SCFD2: variants seen among roughly 807,000 people sequenced by gnomAD.
SCFD2 encodes the protein sec1 family domain-containing protein 2.
In SCFD2, 54 loss-of-function variants were observed where a neutral mutation model predicts 58.9. The observed-to-expected ratio is 0.92, with a 90% CI of 0.74 to 1.15. SCFD2 has a LOEUF of 1.15. Ranked by LOEUF, SCFD2 falls within the 50% of genes most tolerant of loss-of-function variation. SCFD2 has a pLI of 0.00. For missense variants in SCFD2, 805 were observed against 836.6 expected (o/e 0.96, Z 0.47); for synonymous variants, 321 against 335.9 (o/e 0.96, Z 0.49).
chr4:53,259,959 A>AT (rs3065029), intron 4 of SCFD2, among the ~76,000 whole-genome samples: 37,175 of 142,018 alleles, frequency 0.26, 5,052 homozygotes, highest in South Asian at 0.32. Context: ...ATAACCAGGT[A>AT]TTTTTTTTTT....
At chr4:53,254,737 G>C (rs989384386) in intron 4 of SCFD2, among the ~76,000 whole-genome samples, 1 of 151,738 alleles carries the variant, frequency 6.6e-6, no homozygotes, top group Non-Finnish European at 1.5e-5. Context: ...CACTGGCCAT[G>C]GGGCTACTGA....
intron 4 of SCFD2, among the ~76,000 whole-genome samples, chr4:53,186,725 T>G (rs1341875099): frequency 6.6e-6 from 1 of 151,948 alleles, no homozygotes; most frequent in Non-Finnish European, 1.5e-5. Context: ...AAGGCCTAAA[T>G]AGGACACCAA....
In SCFD2 at chr4:53,119,996, G is replaced by T. The variant is rs1448530684; in HGVS notation, c.1561+25337C>A. ...CCTGTCATAACCAGGAAAGCAAGGG[G>T]CCCCTTCTATGCATACCTGAAGGGT... is the stretch of plus-strand genomic sequence containing the variant. On this transcript the variant is annotated intron_variant, in intron 5 of 8. Coordinates refer to ENST00000401642, the MANE Select transcript of SCFD2 (RefSeq NM_152540.4). Among the ~76,000 whole-genome samples the T allele has an allele frequency of 6.6e-5, 10 of 152,152 alleles. 1 individual carries two copies. The highest frequency in any genetic ancestry group is 2.6e-4 in the Admixed American group (4 of 15,268).
intron 6 of SCFD2, among the ~76,000 whole-genome samples, chr4:52,908,616 T>C (rs551442557): frequency 1.3e-5 from 2 of 152,366 alleles, no homozygotes; most frequent in African/African-American, 4.8e-5. Flanking sequence ...CTGTCAAGGA[T>C]ATTTAGTGTA....
intron 5 of SCFD2, among the ~76,000 whole-genome samples, chr4:53,136,036 T>C (rs1725927068): frequency 6.6e-6 from 1 of 152,236 alleles, no homozygotes; most frequent in African/African-American, 2.4e-5. Context: ...AGCACTGTCT[T>C]TAAATAAATT....
At chr4:53,204,307 C>T (rs1290673644) in intron 4 of SCFD2, among the ~76,000 whole-genome samples, 1 of 151,516 alleles carries the variant, frequency 6.6e-6, no homozygotes, top group Non-Finnish European at 1.5e-5. Context: ...AAAATCCATG[C>T]AGGGAAAAGG....
intron 2 of SCFD2, among the ~76,000 whole-genome samples, chr4:53,339,779 A>C (rs1247429666): frequency 2.6e-5 from 4 of 152,186 alleles, no homozygotes; most frequent in African/African-American, 9.7e-5. Flanking sequence ...CAAAAAAGAA[A>C]AAAAAAAGTG....
intron 3 of SCFD2, among the ~76,000 whole-genome samples, chr4:53,302,240 A>G (rs1732336335): frequency 6.6e-6 from 1 of 152,270 alleles, no homozygotes; most frequent in Non-Finnish European, 1.5e-5. Flanking sequence ...GCTGATAAGC[A>G]ACTTCAGCAA....
chr4:52,896,593 A>G (rs1184225552), intron 7 of SCFD2, among the ~76,000 whole-genome samples: 10 of 152,282 alleles, frequency 6.6e-5, no homozygotes, highest in South Asian at 4.1e-4. Context: ...GTCAGGTAGC[A>G]TGATGCCTCC....
chr4:53,304,409 T>C (rs536846750), intron 3 of SCFD2, among the ~76,000 whole-genome samples: 1 of 152,274 alleles, frequency 6.6e-6, no homozygotes, highest in Admixed American at 6.5e-5. Context: ...CTGGATAATA[T>C]CCTGAAGAGT....
chr4:53,055,610 A>C (rs1363687978), intron 5 of SCFD2, among the ~76,000 whole-genome samples: 1 of 152,152 alleles, frequency 6.6e-6, no homozygotes, highest in Admixed American at 6.5e-5. Flanking sequence ...GACAGATCTG[A>C]GGGAACAGCT....
intron 4 of SCFD2, among the ~76,000 whole-genome samples, chr4:53,227,807 A>C (rs1245944033): frequency 2.6e-5 from 4 of 152,194 alleles, no homozygotes; most frequent in Non-Finnish European, 5.9e-5. Flanking sequence ...AAAAATTATG[A>C]ATCTGACTTT....
chr4:52,938,372 T>C (rs552688007), intron 5 of SCFD2, among the ~76,000 whole-genome samples: 1 of 152,272 alleles, frequency 6.6e-6, no homozygotes, highest in South Asian at 2.1e-4. Flanking sequence ...AATGTTATGT[T>C]TTTACTATTG....
intron 3 of SCFD2, among the ~76,000 whole-genome samples, chr4:53,280,417 G>C (rs1458780011): frequency 1.3e-5 from 2 of 152,162 alleles, no homozygotes; most frequent in African/African-American, 4.8e-5. Context: ...TCAGGAGGCT[G>C]AGACACGAGA....
intron 4 of SCFD2, among the ~76,000 whole-genome samples, chr4:53,217,512 C>G (rs1328749637): frequency 6.6e-6 from 1 of 152,088 alleles, no homozygotes; most frequent in African/African-American, 2.4e-5. Flanking sequence ...TTCCTCCATC[C>G]CTTTATTTTG....
chr4:53,145,231 C>T (rs1010592695), intron 5 of SCFD2, 102 bp downstream of exon 5: 8 of 1,386,474 alleles, frequency 5.8e-6, no homozygotes, highest in Non-Finnish European at 5.0e-6. Context: ...CCAAACAACT[C>T]CAGTGAAGAT....
At chr4:53,081,775 A>T (rs2148858497) in intron 5 of SCFD2, among the ~76,000 whole-genome samples, 1 of 152,260 alleles carries the variant, frequency 6.6e-6, no homozygotes, top group Middle Eastern at 3.4e-3. Flanking sequence ...CTAATTCCAG[A>T]GCACTGAAAT....
intron 5 of SCFD2, among the ~76,000 whole-genome samples, chr4:53,018,104 C>T (rs1443609329): frequency 2.6e-5 from 4 of 152,160 alleles, no homozygotes; most frequent in Non-Finnish European, 5.9e-5. Flanking sequence ...AGGTAAGCTC[C>T]ATGATGGCTT....
At chr4:52,930,093 G>T (rs4386657) in intron 5 of SCFD2, among the ~76,000 whole-genome samples, 2,791 of 152,218 alleles carry the variant, frequency 0.018, 108 homozygotes, top group African/African-American at 0.064. Context: ...CACACTACCT[G>T]ACTTCAAACT....
Sources: allele counts gnomAD v4.1 joint callset (sites outside exome capture counted in the v4.1 genomes callset), GRCh38; gene constraint gnomAD v4.1.1; transcripts MANE v1.5; gene names NCBI Gene and HGNC (gene_info 2026-07-23, HGNC 2026-07-21).